TRIM44: variants seen among roughly 807,000 people sequenced by gnomAD.
TRIM44 encodes the protein tripartite motif containing 44, also known as tripartite motif-containing protein 44.
In TRIM44, 13 loss-of-function variants were observed where a neutral mutation model predicts 37.4. That is an observed-to-expected ratio of 0.35 (90% CI 0.23 to 0.55). The LOEUF is 0.55. Ranked by LOEUF, TRIM44 falls within the 20% of genes least tolerant of loss-of-function variation. The pLI is 0.89. For synonymous variants in TRIM44, 175 were observed against 157.2 expected, an observed-to-expected ratio of 1.11 and a Z score of -0.85; for missense variants, 426 against 437.2, an observed-to-expected ratio of 0.97 and a Z score of 0.23.
chr11:35,744,044 T>C (rs1241515300), intron 4 of TRIM44, among the ~76,000 whole-genome samples: 2 of 152,236 alleles, frequency 1.3e-5, no homozygotes, highest in African/African-American at 4.8e-5. Context: ...ACTGTACATA[T>C]TTGCCCTAGT....
At chr11:35,765,102 T>A (rs1426874116) in intron 4 of TRIM44, among the ~76,000 whole-genome samples, 1 of 152,172 alleles carries the variant, frequency 6.6e-6, no homozygotes, top group Non-Finnish European at 1.5e-5. Context: ...GGCTAAGCCA[T>A]TTGTGTGCAT....
chr11:35,793,001 CCAA>C (rs1853234195), intron 4 of TRIM44, among the ~76,000 whole-genome samples: 1 of 151,954 alleles, frequency 6.6e-6, no homozygotes, highest in Admixed American at 6.6e-5. Flanking sequence ...AATATCTGAC[CCAA>C]CGAGATTCTG....
At chr11:35,742,506 A>ATTGTATTAT (rs1423138222) in intron 4 of TRIM44, among the ~76,000 whole-genome samples, 47 of 130,264 alleles carry the variant, frequency 3.6e-4, no homozygotes, top group African/African-American at 1.4e-3. Context: ...AATTATATTA[A>ATTGTATTAT]ATATAATTAT....
chr11:35,671,271 G>A (rs887733757), intron 1 of TRIM44, among the ~76,000 whole-genome samples: 3 of 152,154 alleles, frequency 2.0e-5, no homozygotes, highest in African/African-American at 7.2e-5. Flanking sequence ...AGAGGGACAG[G>A]AAATATCCTT....
At position 35,806,497 on chromosome 11, in the gene TRIM44, AC is replaced by A; in HGVS notation, c.*114del. On this transcript the variant is annotated 3_prime_UTR_variant, in exon 5 of 5. Coordinates refer to ENST00000299413, the MANE Select transcript of TRIM44 (RefSeq NM_017583.6). ...GCTGCTCAGCAACAAACGTACTTCCACCAGATGTGTCCCCAGATCCACAGCA... is the reference window on the plus strand; with the variant it reads ...GCTGCTCAGCAACAAACGTACTTCCACAGATGTGTCCCCAGATCCACAGCA... The A allele has an allele frequency of 1.7e-6, 2 of 1,160,910 alleles. No individual in the cohort carries two copies. Among genetic ancestry groups the A allele is most frequent in the Non-Finnish European group, 2.6e-6 (2 of 773,868 alleles). The allele number at this position is 1,160,910 out of a possible 1,614,324, so 71.9% of individuals were successfully genotyped here.
At chr11:35,733,925 T>C (rs1380962922) in intron 3 of TRIM44, among the ~76,000 whole-genome samples, 1 of 152,188 alleles carries the variant, frequency 6.6e-6, no homozygotes, top group Non-Finnish European at 1.5e-5. Context: ...TTTTCTCTGT[T>C]GTCAGCCTGG....
rs541362177 is a variant in TRIM44, at chr11:35,746,929, A to C, written c.1007+11484A>C. Among the ~76,000 whole-genome samples, 3 of 152,340 alleles carry C rather than the reference A, an allele frequency of 2.0e-5. No individual in the cohort carries two copies. In the South Asian group the frequency reaches 6.2e-4, roughly 32 times the overall value. ...GTTCGCAATGTGGTTATAAAATGGA[A>C]AGGCATTTTGTTTTCTTGGTGAGTA... On this transcript the variant is annotated intron_variant, in intron 4 of 4. Transcript: ENST00000299413.
At chr11:35,748,227 T>G (rs777771574) in intron 4 of TRIM44, among the ~76,000 whole-genome samples, 11 of 152,186 alleles carry the variant, frequency 7.2e-5, no homozygotes, top group Non-Finnish European at 1.3e-4. Flanking sequence ...GGATTCATAC[T>G]TGGTAATAAA....
At chr11:35,760,037 T>C (rs993335682) in intron 4 of TRIM44, among the ~76,000 whole-genome samples, 8 of 152,242 alleles carry the variant, frequency 5.3e-5, no homozygotes, top group African/African-American at 1.9e-4. Context: ...CAGGGACATA[T>C]AAGTCTGCAG....
At chr11:35,725,772 T>C in intron 2 of TRIM44, 152 bp from the exon 3 acceptor site, 2 of 734,636 alleles carry the variant, frequency 2.7e-6, no homozygotes, top group Non-Finnish European at 2.2e-6. Flanking sequence ...ATCAATGATA[T>C]TAGGGGAACA....
intron 2 of TRIM44, among the ~76,000 whole-genome samples, chr11:35,711,595 A>T (rs1195872560): frequency 1.3e-5 from 2 of 152,034 alleles, no homozygotes; most frequent in Non-Finnish European, 2.9e-5. Context: ...TCTACTAAAA[A>T]TTAAAAAAAA....
chr11:35,680,704 A>G (rs1418370364), intron 1 of TRIM44, among the ~76,000 whole-genome samples: 2 of 152,206 alleles, frequency 1.3e-5, no homozygotes, highest in East Asian at 3.8e-4. Flanking sequence ...ATTGGTAGGC[A>G]TGTGATTTCA....
intron 4 of TRIM44, among the ~76,000 whole-genome samples, chr11:35,754,690 G>A (rs1360576179): frequency 7.1e-6 from 1 of 140,440 alleles, no homozygotes; most frequent in Non-Finnish European, 1.5e-5. Flanking sequence ...GTGTGTGATG[G>A]TCCCCTTCCT....
At chr11:35,721,523 G>A (rs1458098376) in intron 2 of TRIM44, among the ~76,000 whole-genome samples, 1 of 152,162 alleles carries the variant, frequency 6.6e-6, no homozygotes, top group African/African-American at 2.4e-5. Flanking sequence ...GAGTTCCAGT[G>A]GTAGTACCTT....
chr11:35,785,050 A>G (rs532847407), intron 4 of TRIM44, among the ~76,000 whole-genome samples: 2 of 152,286 alleles, frequency 1.3e-5, no homozygotes, highest in East Asian at 3.9e-4. Flanking sequence ...TTTCACCCCA[A>G]AAAGCTACAA....
At position 35,708,920 on chromosome 11, in the gene TRIM44, A is replaced by T. The variant is rs1013609827; in HGVS notation, c.748-17004A>T. ...AAAACTTAAAATATAATAATAATAA[A>T]AAATAAATAAAAAATGAAAACACAT... On this transcript the variant is annotated intron_variant, in intron 2 of 4. Transcript: ENST00000299413. Among the ~76,000 whole-genome samples the T allele has an allele frequency of 2.6e-4, 39 of 152,054 alleles. No homozygotes were observed. In the South Asian group the frequency reaches 6.0e-3, roughly 23 times the overall value.
intron 1 of TRIM44, among the ~76,000 whole-genome samples, chr11:35,681,083 T>C (rs1035375849): frequency 2.6e-5 from 4 of 152,212 alleles, no homozygotes; most frequent in Non-Finnish European, 5.9e-5. Flanking sequence ...ACTGACCAGC[T>C]CTGTGATTTT....
intron 3 of TRIM44, among the ~76,000 whole-genome samples, chr11:35,731,083 T>C (rs1435062456): frequency 6.6e-6 from 1 of 152,216 alleles, no homozygotes; most frequent in Non-Finnish European, 1.5e-5. Context: ...ATGCTTTTTA[T>C]TTCTTTGTCT....
chr11:35,766,916 A>G (rs1182977872), intron 4 of TRIM44, among the ~76,000 whole-genome samples: 3 of 152,220 alleles, frequency 2.0e-5, no homozygotes, highest in Non-Finnish European at 2.9e-5. Context: ...TTATTAACAA[A>G]TTATGTTAGA....
Sources: allele counts gnomAD v4.1 joint callset (sites outside exome capture counted in the v4.1 genomes callset), GRCh38; gene constraint gnomAD v4.1.1; transcripts MANE v1.5; gene names NCBI Gene and HGNC (gene_info 2026-07-23, HGNC 2026-07-21).